The following LONP2 variants were observed in gnomAD, a reference collection of about 807,000 sequenced individuals.
LONP2 encodes the protein lon protease homolog 2, peroxisomal.
Under a neutral mutation model 85.6 loss-of-function variants are expected in LONP2, and 60 were observed. That is an observed-to-expected ratio of 0.70 (90% confidence interval 0.57 to 0.87). The LOEUF (loss-of-function observed/expected upper bound fraction) is 0.87, where lower values mean the gene tolerates loss of function less well. Ranked by LOEUF, LONP2 falls within the 40% of genes least tolerant of loss-of-function variation. LONP2 has a pLI of 0.00. For synonymous variants in LONP2, 395 were observed against 389.7 expected (o/e 1.01, Z -0.16); for missense variants, 860 against 1,063.5 (o/e 0.81, Z 2.66).
In LONP2 at chr16:48,258,338, T is replaced by G. The variant is rs560105428; in HGVS notation, c.601-280T>G. 2.8e-3 allele frequency among the ~76,000 whole-genome samples: 400 copies of G among 143,198 alleles called. 1 individual carries two copies. Among genetic ancestry groups the G allele is most frequent in the African/African-American group, 0.011 (395 of 37,338 alleles). 93.9% of individuals were successfully genotyped at this position (143,198 alleles called of 152,430 possible). On this transcript the variant is annotated intron_variant, in intron 3 of 14. Coordinates refer to ENST00000285737, the MANE Select transcript of LONP2 (RefSeq NM_031490.5). ...CTCCAACCTGGGGACAGAGCAAGAT[T>G]CCGTCTCAAAAAAAAAAAGAAAAAA...
Position 48,356,038 on chromosome 16 carries a change from C to G in LONP2, c.*4236C>G, listed in dbSNP as rs1291397226. On this transcript the variant is annotated 3_prime_UTR_variant, in exon 15 of 15. Coordinates refer to ENST00000285737, the MANE Select transcript of LONP2 (RefSeq NM_031490.5). ...TGCCCCTTTAGTGGTCCCTGTGAAC[C>G]TTACCTCAAACCATGCATCTGGGGC... The G allele has an allele frequency of 1.3e-5, 2 of 152,182 alleles. No individual in the cohort carries two copies. Among genetic ancestry groups the G allele is most frequent in the African/African-American group, 4.8e-5 (2 of 41,436 alleles). 9.4% of individuals were successfully genotyped at this position (152,182 alleles called of 1,614,324 possible). A position where few individuals can be genotyped will look rare whatever the true frequency, so the allele number is the denominator to read the frequency against.
rs1368291232 is a variant in LONP2 at position 48,252,224 on chromosome 16, G to C, written c.327G>C (p.Gln109His). The C allele has an allele frequency of 2.1e-5, 34 of 1,614,174 alleles. No individual in the cohort carries two copies. The highest frequency in any genetic ancestry group is 2.7e-5 in the Non-Finnish European group (32 of 1,180,012). Reference sequence around the variant, plus strand: ...TGATTACAGGCCTATGCCGTTTCCAGATTGTACAGGTCTTAAAAGAGAAGC... The same window carrying C: ...TGATTACAGGCCTATGCCGTTTCCACATTGTACAGGTCTTAAAAGAGAAGC... ...TLLITGLCRF[Q>H]IVQVLKEKPY... Residue 109 changes from glutamine to histidine, a missense_variant, in exon 2 of 15, where the codon CAG becomes CAC. Around this residue, in one of 3 missense-constraint regions of LONP2, gnomAD observed 743 missense variants for 917.3 expected, o/e 0.81. Transcript: ENST00000285737.
chr16:48,275,948 T>C (rs146124668), intron 7 of LONP2, among the ~76,000 whole-genome samples: 4 of 152,286 alleles, frequency 2.6e-5, no homozygotes, highest in African/African-American at 9.6e-5. Flanking sequence ...TACTTGTTTT[T>C]GAAGTTTACT....
At position 48,256,596 on chromosome 16, in the gene LONP2, T is replaced by C. The variant is rs749538944; in HGVS notation, c.469-14T>C. 1.2e-6 allele frequency: 2 copies of C among 1,607,282 alleles called. No homozygotes were observed. The highest frequency in any genetic ancestry group is 1.1e-5 in the South Asian group (1 of 89,304). ...GCCAGATTTCATTTAAAAGACTTTT[T>C]TTCCCCCTTCTAGTTGGTTGAAATG... On this transcript the variant is annotated splice_polypyrimidine_tract_variant and intron_variant, in intron 2 of 14. Coordinates refer to ENST00000285737, the MANE Select transcript of LONP2 (RefSeq NM_031490.5).
chr16:48,354,802 G>A lies in LONP2; in HGVS notation c.*3000G>A, dbSNP rs1280254118. 1 of 152,152 alleles carries A rather than the reference G, an allele frequency of 6.6e-6. No individual in the cohort carries two copies. Among genetic ancestry groups the A allele is most frequent in the East Asian group, 1.9e-4 (1 of 5,184 alleles). The allele number at this position is 152,152 out of a possible 1,614,324, so 9.4% of individuals were successfully genotyped here. On this transcript the variant is annotated 3_prime_UTR_variant, in exon 15 of 15. Transcript: ENST00000285737. ...TCTTCAAAATAATGGGGTGCAGAAG[G>A]GTAGGGATGAACCTCTTCCTCCTTT... is the stretch of plus-strand genomic sequence containing the variant.
intron 6 of LONP2, among the ~76,000 whole-genome samples, chr16:48,269,201 T>G (rs1002860126): frequency 1.5e-5 from 2 of 133,330 alleles, no homozygotes; most frequent in Admixed American, 7.4e-5. Context: ...ACATCATCTG[T>G]TTTTTTTTTT....
intron 12 of LONP2, among the ~76,000 whole-genome samples, chr16:48,341,649 G>A (rs76918621): frequency 0.012 from 1,864 of 152,224 alleles, 40 homozygotes; most frequent in African/African-American, 0.042. Flanking sequence ...CATATCAAAT[G>A]GGTTCTAGGA....
At chr16:48,255,054 A>G (rs540288729) in intron 2 of LONP2, among the ~76,000 whole-genome samples, 3 of 152,350 alleles carry the variant, frequency 2.0e-5, no homozygotes, top group South Asian at 2.1e-4. Context: ...TTTGAATATT[A>G]CTAGCACATG....
intron 12 of LONP2, among the ~76,000 whole-genome samples, chr16:48,336,209 G>T (rs1222538976): frequency 6.6e-6 from 1 of 152,164 alleles, no homozygotes; most frequent in African/African-American, 2.4e-5. Context: ...TGACATTCCT[G>T]GAGCATTAGC....
At chr16:48,288,603 C>T (rs1278565232) in intron 8 of LONP2, among the ~76,000 whole-genome samples, 1 of 152,090 alleles carries the variant, frequency 6.6e-6, no homozygotes, top group East Asian at 1.9e-4. Context: ...TCTCCTAAGG[C>T]CTCTCTCCTT....
intron 9 of LONP2, among the ~76,000 whole-genome samples, chr16:48,297,604 C>T (rs573980079): frequency 1.3e-5 from 2 of 152,324 alleles, no homozygotes; most frequent in South Asian, 2.1e-4. Context: ...CCGCCACACT[C>T]GGCCCTAAAT....
chr16:48,293,859 G>T (rs868313987), intron 8 of LONP2, among the ~76,000 whole-genome samples: 6 of 152,324 alleles, frequency 3.9e-5, no homozygotes, highest in Middle Eastern at 3.4e-3. Context: ...GTCAAAAGAA[G>T]AGCGTTTTTG....
intron 11 of LONP2, among the ~76,000 whole-genome samples, chr16:48,307,696 G>A (rs1006961169): frequency 2.6e-5 from 4 of 151,988 alleles, no homozygotes; most frequent in Admixed American, 2.0e-4. Context: ...TGAAAAATTG[G>A]TTAGAAAAAA....
chr16:48,268,551 G>A (rs970048666), intron 6 of LONP2, among the ~76,000 whole-genome samples: 2 of 152,106 alleles, frequency 1.3e-5, no homozygotes, highest in African/African-American at 4.8e-5. Flanking sequence ...TGATTTACTA[G>A]CATTTTAATA....
intron 11 of LONP2, among the ~76,000 whole-genome samples, chr16:48,329,907 C>T (rs541169663): frequency 4.3e-4 from 65 of 152,318 alleles, no homozygotes; most frequent in African/African-American, 1.4e-3. Context: ...TGTAGTGCTG[C>T]GATGGGTGAC....
chr16:48,291,378 A>C (rs1972553935), intron 8 of LONP2, among the ~76,000 whole-genome samples: 1 of 152,196 alleles, frequency 6.6e-6, no homozygotes, highest in Admixed American at 6.5e-5. Context: ...ACAGTTACCT[A>C]GTCTTGTGTA....
chr16:48,298,196 T>C (rs1234673204), intron 9 of LONP2, among the ~76,000 whole-genome samples: 2 of 152,204 alleles, frequency 1.3e-5, no homozygotes, highest in African/African-American at 4.8e-5. Context: ...CTTTGGCAGA[T>C]TTAGCTGTCC....
chr16:48,302,209 T>A (rs1464354088), intron 10 of LONP2, among the ~76,000 whole-genome samples: 1 of 152,244 alleles, frequency 6.6e-6, no homozygotes, highest in Non-Finnish European at 1.5e-5. Flanking sequence ...TAGAAGTTGT[T>A]AAGATGCCTC....
intron 7 of LONP2, among the ~76,000 whole-genome samples, chr16:48,273,728 TAATGTTTG>T (rs145515566): frequency 0.014 from 2,078 of 152,270 alleles, 47 homozygotes; most frequent in African/African-American, 0.047. Context: ...TTTTATGAAA[TAATGTTTG>T]CATAATTGTT....
Sources: allele counts gnomAD v4.1 joint callset (sites outside exome capture counted in the v4.1 genomes callset), GRCh38; gene constraint gnomAD v4.1.1; regional missense constraint gnomAD v4.1.1; transcripts MANE v1.5; gene names NCBI Gene and HGNC (gene_info 2026-07-23, HGNC 2026-07-21).